The following ABCC4 variants were observed in gnomAD, a reference collection of about 807,000 sequenced individuals.
The protein encoded by ABCC4 is ATP binding cassette subfamily C member 4 (PEL blood group).
Under a neutral mutation model 168.5 loss-of-function variants are expected in ABCC4, and 102 were observed. That is an observed-to-expected ratio of 0.61 (90% CI 0.52 to 0.71). ABCC4 has a LOEUF of 0.71. ABCC4 is among the 30% of genes least tolerant of loss of function. The probability of loss-of-function intolerance (pLI) is 0.00; values close to 1 mark genes in which losing one functional copy is unlikely to be tolerated. For synonymous variants in ABCC4, 617 were observed against 590.7 expected (o/e 1.04, Z -0.65); for missense variants, 1,402 against 1,605.8 (o/e 0.87, Z 2.17).
chr13:95,073,351 T>C (rs1403492491), intron 23 of ABCC4, 47 bp from the exon 24 acceptor site: 2 of 1,442,648 alleles, frequency 1.4e-6, no homozygotes, highest in Admixed American at 1.8e-5. Context: ...ACTTCAAACC[T>C]AAGCCTGGCT....
chr13:95,290,869 C>A (rs972506901), intron 1 of ABCC4, among the ~76,000 whole-genome samples: 3 of 143,740 alleles, frequency 2.1e-5, no homozygotes, highest in African/African-American at 7.4e-5. Flanking sequence ...TGGTGGCAAG[C>A]ACCTGTAATC....
At chr13:95,093,022 A>G (rs1445700539) in intron 20 of ABCC4, among the ~76,000 whole-genome samples, 1 of 152,130 alleles carries the variant, frequency 6.6e-6, no homozygotes. Flanking sequence ...CAGACCAATA[A>G]CAAGCAGCAA....
intron 19 of ABCC4, among the ~76,000 whole-genome samples, chr13:95,125,005 GA>G (rs1216989700): frequency 6.6e-6 from 1 of 152,062 alleles, no homozygotes; most frequent in Non-Finnish European, 1.5e-5. Flanking sequence ...TGTGTTTGAA[GA>G]CCACCCCACA....
chr13:95,116,013 G>C lies in ABCC4; in HGVS notation c.2456-12C>G. The C allele has an allele frequency of 6.2e-7, 1 of 1,600,634 alleles. No homozygotes were observed. Among genetic ancestry groups the C allele is most frequent in the Non-Finnish European group, 8.5e-7 (1 of 1,173,370 alleles). On this transcript the variant is annotated splice_polypyrimidine_tract_variant and intron_variant, in intron 19 of 30. Transcript: ENST00000645237. Reference sequence around the variant, plus strand: ...ATTTAAAATTCTTCCTGCAAGAACAGGATATGAAAAATTACTCATTTCCCC... The same window carrying C: ...ATTTAAAATTCTTCCTGCAAGAACACGATATGAAAAATTACTCATTTCCCC...
intron 26 of ABCC4, among the ~76,000 whole-genome samples, chr13:95,059,346 C>A (rs989575567): frequency 3.3e-5 from 5 of 152,204 alleles, no homozygotes; most frequent in Non-Finnish European, 7.3e-5. Context: ...AAGAAGATAA[C>A]CATGTTAAGG....
At chr13:95,257,703 C>T (rs185285714) in intron 1 of ABCC4, among the ~76,000 whole-genome samples, 2 of 151,970 alleles carry the variant, frequency 1.3e-5, no homozygotes, top group Admixed American at 1.3e-4. Context: ...AGAAAATCTG[C>T]ACATAAGTGG....
At position 95,166,179 on chromosome 13, in the gene ABCC4, A is replaced by T; in HGVS notation, c.2013T>A (p.Asp671Glu). ...SQQSSRPSLK[D>E]GALESQDTEN... ...TCACATCTTGGCTCTCCAGAGCACC[A>T]TCTTTCAAGGAGGGTCTAGAAGATT... The change falls in exon 15 of 31, where the codon GAT becomes GAA. Residue 671 changes from aspartate to glutamate, a missense_variant. Physicochemically the swap from Asp to Glu is conservative, Grantham distance 45. This residue lies in a region of ABCC4 where 1,007 missense variants were observed against 1,127.3 expected (regional missense o/e 0.89). Transcript: ENST00000645237. 6.2e-7 allele frequency: 1 copy of T among 1,614,142 alleles called. No individual in the cohort carries two copies. The highest frequency in any genetic ancestry group is 8.5e-7 in the Non-Finnish European group (1 of 1,179,990).
At chr13:95,060,748 A>C (rs1398789037) in intron 26 of ABCC4, among the ~76,000 whole-genome samples, 1 of 152,256 alleles carries the variant, frequency 6.6e-6, no homozygotes, top group Non-Finnish European at 1.5e-5. Flanking sequence ...CAATACACAT[A>C]GCATAAAATT....
intron 4 of ABCC4, among the ~76,000 whole-genome samples, chr13:95,226,140 C>CAATTACTTCATCTGG (rs141218374): frequency 0.012 from 113 of 9,722 alleles, 1 homozygote; most frequent in African/African-American, 0.022. Flanking sequence ...TCCAACAGGG[C>CAATTACTTCATCTGG]AATTACTTCA....
intron 1 of ABCC4, among the ~76,000 whole-genome samples, chr13:95,287,090 G>A (rs1374962050): frequency 2.6e-5 from 4 of 151,684 alleles, no homozygotes; most frequent in Non-Finnish European, 5.9e-5. Context: ...GCTGAGCTCA[G>A]CAGTTTGAAA....
chr13:95,237,116 C>A (rs1384071050), intron 3 of ABCC4, among the ~76,000 whole-genome samples: 1 of 152,096 alleles, frequency 6.6e-6, no homozygotes, highest in East Asian at 1.9e-4. Context: ...GAGGGATGAC[C>A]CCCAGAGGAA....
chr13:95,180,309 T>G (rs2037847434), intron 11 of ABCC4, among the ~76,000 whole-genome samples: 1 of 151,752 alleles, frequency 6.6e-6, no homozygotes, highest in East Asian at 1.9e-4. Flanking sequence ...ATCCCAGCAA[T>G]TTGGGAGGCC....
At chr13:95,049,589 C>T (rs757596176) in intron 27 of ABCC4, among the ~76,000 whole-genome samples, 3 of 151,612 alleles carry the variant, frequency 2.0e-5, no homozygotes, top group African/African-American at 4.8e-5. Context: ...TGCAGTGAGC[C>T]GAGACTGTGC....
At chr13:95,294,683 C>T (rs1269537682) in intron 1 of ABCC4, among the ~76,000 whole-genome samples, 4 of 152,138 alleles carry the variant, frequency 2.6e-5, no homozygotes, top group South Asian at 4.1e-4. Context: ...CTGGGCATGG[C>T]GGCTCACGCC....
intron 1 of ABCC4, among the ~76,000 whole-genome samples, chr13:95,284,474 C>A (rs2041209444): frequency 6.6e-6 from 1 of 152,226 alleles, no homozygotes. Context: ...TAGGCATGAG[C>A]CACCTTGCCC....
chr13:95,038,331 A>G (rs2032208416), intron 29 of ABCC4, among the ~76,000 whole-genome samples: 1 of 150,660 alleles, frequency 6.6e-6, no homozygotes, highest in Non-Finnish European at 1.5e-5. Context: ...GGAAGAGGCA[A>G]AGATGGGTAA....
Position 95,058,275 on chromosome 13 carries a change from T to C in ABCC4, c.3366+4429A>G, listed in dbSNP as rs570462129. ...GCTGTATATTTGCTCTCTTTGGTTA[T>C]GGCTTCTGGGAACCTTTTGTAAGTT... On this transcript the variant is annotated intron_variant, in intron 26 of 30. Coordinates refer to ENST00000645237, the MANE Select transcript of ABCC4 (RefSeq NM_005845.5). Among the ~76,000 whole-genome samples, 462 of 152,334 alleles carry C rather than the reference T, an allele frequency of 3.0e-3. 4 individuals carry two copies. Among genetic ancestry groups the C allele is most frequent in the African/African-American group, 0.011 (448 of 41,570 alleles).
chr13:95,299,669 C>CA (rs1429777981), intron 1 of ABCC4, among the ~76,000 whole-genome samples: 1 of 151,868 alleles, frequency 6.6e-6, no homozygotes, highest in Non-Finnish European at 1.5e-5. Flanking sequence ...CCAGGGAACC[C>CA]AAAAAATTGG....
intron 1 of ABCC4, chr13:95,269,290 C>T (rs2040774055): frequency 2.2e-6 from 1 of 455,642 alleles, no homozygotes; most frequent in Admixed American, 2.4e-5. Flanking sequence ...TACAACCTGT[C>T]AGCAGCACAA....
Sources: allele counts gnomAD v4.1 joint callset (sites outside exome capture counted in the v4.1 genomes callset), GRCh38; gene constraint gnomAD v4.1.1; regional missense constraint gnomAD v4.1.1; transcripts MANE v1.5; gene names NCBI Gene and HGNC (gene_info 2026-07-23, HGNC 2026-07-21).